The following HNF4A variants were observed in gnomAD, a reference collection of about 807,000 sequenced individuals.
HNF4A encodes the protein hepatocyte nuclear factor 4 alpha, also known as hepatocyte nuclear factor 4-alpha.
Under a neutral mutation model 52.4 loss-of-function variants are expected in HNF4A, and 15 were observed. The ratio of observed to expected loss-of-function variants is 0.29; its 90% CI spans 0.19 to 0.44. The LOEUF (loss-of-function observed/expected upper bound fraction) is 0.44, where lower values mean the gene tolerates loss of function less well. Ranked by LOEUF, HNF4A falls within the 20% of genes least tolerant of loss-of-function variation. The probability of loss-of-function intolerance (pLI) is 1.00; values close to 1 mark genes in which losing one functional copy is unlikely to be tolerated. For synonymous variants in HNF4A, 280 were observed against 264.4 expected (o/e 1.06, Z -0.57); for missense variants, 479 against 647.2 (o/e 0.74, Z 2.82).
intron 2 of HNF4A, among the ~76,000 whole-genome samples, 186 bp downstream of exon 2, chr20:44,406,418 T>C (rs1228755898): frequency 6.6e-6 from 1 of 152,252 alleles, no homozygotes; most frequent in Non-Finnish European, 1.5e-5. Context: ...CCACATTTAC[T>C]GATCATCAAG....
intron 1 of HNF4A, among the ~76,000 whole-genome samples, chr20:44,393,673 A>G (rs1157927741): frequency 6.6e-6 from 1 of 152,088 alleles, no homozygotes; most frequent in African/African-American, 2.4e-5. Flanking sequence ...AACACATGCA[A>G]AGCTCCTAAA....
intron 1 of HNF4A, among the ~76,000 whole-genome samples, chr20:44,389,380 G>A (rs1281147485): frequency 6.6e-6 from 1 of 152,236 alleles, no homozygotes; most frequent in Non-Finnish European, 1.5e-5. Flanking sequence ...TTTCATATGA[G>A]TGTCAGATGA....
intron 1 of HNF4A, among the ~76,000 whole-genome samples, chr20:44,384,071 G>A (rs960954470): frequency 2.0e-5 from 3 of 150,826 alleles, no homozygotes; most frequent in Non-Finnish European, 1.5e-5. Context: ...GGCTGGTCTC[G>A]AACTCCTGAC....
At chr20:44,426,223 A>T (rs2063813054) in intron 8 of HNF4A, among the ~76,000 whole-genome samples, 1 of 152,134 alleles carries the variant, frequency 6.6e-6, no homozygotes, top group South Asian at 2.1e-4. Context: ...AACAGAAAGA[A>T]GCGGGGAAGA....
upstream of HNF4A, among the ~76,000 whole-genome samples, chr20:44,396,437 A>T (rs6017338): frequency 6.6e-4 from 100 of 152,054 alleles, no homozygotes; most frequent in African/African-American, 2.3e-3. Flanking sequence ...TGCCTCCCCA[A>T]CTGCAGGTTG....
chr20:44,359,968 C>T (rs1410151973), intron 1 of HNF4A, among the ~76,000 whole-genome samples: 4 of 152,162 alleles, frequency 2.6e-5, no homozygotes, highest in Admixed American at 2.0e-4. Flanking sequence ...TGACTCCTGG[C>T]CTTATTACTT....
At chr20:44,403,965 C>T (rs1188826601) in intron 1 of HNF4A, among the ~76,000 whole-genome samples, 2 of 152,016 alleles carry the variant, frequency 1.3e-5, no homozygotes, top group Non-Finnish European at 2.9e-5. Context: ...GGAGGAGAGG[C>T]CGAGGGAGAA....
intron 1 of HNF4A, 26 bp from the exon 2 acceptor site, chr20:44,406,032 C>A (rs751623017): frequency 1.8e-5 from 29 of 1,607,784 alleles, no homozygotes; most frequent in Admixed American, 3.3e-5. Flanking sequence ...CTTCCTGAAG[C>A]CTCACTCCCT....
chr20:44,380,627 T>TA (rs762927201), intron 1 of HNF4A, among the ~76,000 whole-genome samples: 6 of 152,202 alleles, frequency 3.9e-5, no homozygotes, highest in Non-Finnish European at 5.9e-5. Context: ...TGGTTGTTGT[T>TA]ATTGAGTTGT....
intron 1 of HNF4A, among the ~76,000 whole-genome samples, chr20:44,392,672 T>A (rs1484212257): frequency 1.3e-5 from 2 of 152,168 alleles, no homozygotes; most frequent in Non-Finnish European, 2.9e-5. Flanking sequence ...AGGTTTCAGA[T>A]GATTCTATTT....
chr20:44,416,665 G>A (rs1281011985), intron 5 of HNF4A, among the ~76,000 whole-genome samples: 1 of 152,228 alleles, frequency 6.6e-6, no homozygotes, highest in South Asian at 2.1e-4. Flanking sequence ...TGGCTGCCCA[G>A]GAGCAGCTAG....
At chr20:44,404,130 C>T (rs932480862) in intron 1 of HNF4A, among the ~76,000 whole-genome samples, 8 of 152,232 alleles carry the variant, frequency 5.3e-5, no homozygotes, top group Admixed American at 2.0e-4. Flanking sequence ...TCCTCTGCTC[C>T]GAGAGTTTTC....
upstream of HNF4A, among the ~76,000 whole-genome samples, chr20:44,398,294 C>A (rs1012149582): frequency 4.6e-5 from 7 of 152,202 alleles, no homozygotes; most frequent in African/African-American, 1.7e-4. Flanking sequence ...GTAAATGTAA[C>A]AAACTTTCTG....
chr20:44,369,910 GC>G (rs1377252708), intron 1 of HNF4A, among the ~76,000 whole-genome samples: 2 of 152,158 alleles, frequency 1.3e-5, no homozygotes, highest in Non-Finnish European at 1.5e-5. Flanking sequence ...GCCGCGCCCG[GC>G]CCTGGGCTCT....
chr20:44,398,903 C>T (rs1207269173), upstream of HNF4A, among the ~76,000 whole-genome samples: 1 of 152,202 alleles, frequency 6.6e-6, no homozygotes, highest in Non-Finnish European at 1.5e-5. Flanking sequence ...TCACATTCCC[C>T]GTTAAGCAAT....
chr20:44,378,329 G>A (rs970013692), intron 1 of HNF4A, among the ~76,000 whole-genome samples: 1 of 150,386 alleles, frequency 6.6e-6, no homozygotes, highest in Non-Finnish European at 1.5e-5. Context: ...GTGCAGTGGC[G>A]TGATCTCGGC....
intron 1 of HNF4A, among the ~76,000 whole-genome samples, chr20:44,405,054 A>G (rs1178311603): frequency 3.0e-5 from 2 of 67,172 alleles, no homozygotes; most frequent in African/African-American, 1.2e-4. Context: ...TTGTGTGTGG[A>G]CTGTGTGGTG....
At position 44,355,866 on chromosome 20, in the gene HNF4A, G is replaced by C; in HGVS notation, c.49+13G>C. On this transcript the variant is annotated intron_variant, in intron 1 of 9. Transcript: ENST00000316673. ...GAGAGTTCTTACGGTAAGTGGGGCTGGGGGAAGACTGGACAGGGCGGGACT... is the reference window on the plus strand; with the variant it reads ...GAGAGTTCTTACGGTAAGTGGGGCTCGGGGAAGACTGGACAGGGCGGGACT... 1 of 1,608,946 alleles carries C rather than the reference G, an allele frequency of 6.2e-7. No homozygotes were observed. Among genetic ancestry groups the C allele is most frequent in the Non-Finnish European group, 8.5e-7 (1 of 1,175,942 alleles).
intron 1 of HNF4A, among the ~76,000 whole-genome samples, chr20:44,362,849 T>C (rs73109992): frequency 9.3e-5 from 10 of 107,638 alleles, no homozygotes; most frequent in Non-Finnish European, 1.4e-4. Flanking sequence ...TTCTCTTTTT[T>C]TTTTTTTTTT....
Sources: gnomAD v4.1 joint callset for allele counts (sites outside exome capture counted in the v4.1 genomes callset) on GRCh38, gnomAD v4.1.1 for gene constraint, MANE v1.5 for transcripts, NCBI Gene and HGNC (gene_info 2026-07-23, HGNC 2026-07-21) for gene names.